PPARGC1B: variants seen among roughly 807,000 people sequenced by gnomAD.
PPARGC1B encodes PPARG coactivator 1 beta.
A neutral mutation model predicts 101.6 loss-of-function variants in PPARGC1B; 34 were observed. The observed-to-expected ratio is 0.33, with a 90% CI of 0.25 to 0.45. The LOEUF is 0.45. Among genes scored for constraint, PPARGC1B ranks in the 20% least tolerant of loss-of-function variants. The pLI is 1.00. For synonymous variants in PPARGC1B, 548 were observed against 539.3 expected (o/e 1.02, Z -0.22); for missense variants, 1,234 against 1,317.6 (o/e 0.94, Z 0.98).
At chr5:149,803,105 C>T (rs1757485546) in intron 1 of PPARGC1B, among the ~76,000 whole-genome samples, 1 of 152,202 alleles carries the variant, frequency 6.6e-6, no homozygotes, top group Non-Finnish European at 1.5e-5. Flanking sequence ...TGTCTCAGGG[C>T]CCTGGTTGTC....
At chr5:149,775,937 C>T (rs779437143) in intron 1 of PPARGC1B, among the ~76,000 whole-genome samples, 23 of 152,224 alleles carry the variant, frequency 1.5e-4, no homozygotes, top group Non-Finnish European at 8.8e-5. Flanking sequence ...ATTTTCCTCT[C>T]CCTGACCTAA....
At chr5:149,795,789 A>AG (rs35496202) in intron 1 of PPARGC1B, among the ~76,000 whole-genome samples, 7 of 151,464 alleles carry the variant, frequency 4.6e-5, no homozygotes, top group African/African-American at 1.7e-4. Flanking sequence ...TGGTGGGGGC[A>AG]GGGGGGGATG....
rs1466989089 is a variant in PPARGC1B, at chr5:149,837,876, T to C, written c.2618+803T>C. Among the ~76,000 whole-genome samples, 1 of 152,094 alleles carries C rather than the reference T, an allele frequency of 6.6e-6. No individual in the cohort carries two copies. The highest frequency in any genetic ancestry group is 1.5e-5 in the Non-Finnish European group (1 of 68,032). On this transcript the variant is annotated intron_variant, in intron 8 of 11. Coordinates refer to ENST00000309241, the MANE Select transcript of PPARGC1B (RefSeq NM_133263.4). The surrounding 1 kb of genome is among the most constrained non-coding windows in gnomAD (Gnocchi z 4.2). The stretch of plus-strand genomic sequence containing the variant: ...CTGAGTGGCCACTAGATGCTGCTCT[T>C]GGGCTAGAGCCCAGCTGCCGAATCC...
intron 1 of PPARGC1B, among the ~76,000 whole-genome samples, chr5:149,742,329 T>C (rs541628059): frequency 4.6e-5 from 7 of 152,312 alleles, no homozygotes; most frequent in Admixed American, 2.6e-4. Context: ...TCAGCTCAAG[T>C]GATGCCTCCT....
Position 149,833,052 on chromosome 5 carries a change from C to G in PPARGC1B, c.979C>G (p.Pro327Ala), listed in dbSNP as rs777189598. ...SNPSQQVRSRPWSRHHSKASW... is the reference protein window; with the variant it reads ...SNPSQQVRSRAWSRHHSKASW... ...CCCCTCCCAGCAGGTCAGATCCCGGCCCTGGTCCCGGCACCACTCCAAAGC... is the reference window on the plus strand; with the variant it reads ...CCCCTCCCAGCAGGTCAGATCCCGGGCCTGGTCCCGGCACCACTCCAAAGC... Residue 327 changes from proline (P) to alanine (A), a missense_variant, in exon 5 of 12, where the codon CCC (proline) becomes GCC (alanine). This residue lies in a region of PPARGC1B where 734 missense variants were observed against 768.4 expected (regional missense o/e 0.96). Coordinates refer to ENST00000309241, the MANE Select transcript of PPARGC1B (RefSeq NM_133263.4). The surrounding 1 kb of genome is among the most constrained non-coding windows in gnomAD (Gnocchi z 4.1). The G allele has an allele frequency of 3.7e-6, 6 of 1,613,904 alleles. No homozygotes were observed. The South Asian group carries it at 6.6e-5, about 18-fold the overall frequency.
chr5:149,825,822 C>T (rs895167451), intron 2 of PPARGC1B, among the ~76,000 whole-genome samples: 6 of 152,122 alleles, frequency 3.9e-5, no homozygotes, highest in East Asian at 1.9e-4. Context: ...ATACTACCAC[C>T]GCCACCACTG....
rs1287459794 is a variant in PPARGC1B at position 149,730,685 on chromosome 5, G to C, written c.78+265G>C. On this transcript the variant is annotated intron_variant, in intron 1 of 11. Coordinates refer to ENST00000309241, the MANE Select transcript of PPARGC1B (RefSeq NM_133263.4). This position sits in a 1 kb window ranked among gnomAD's most constrained non-coding sequence, Gnocchi z 4.0. Reference sequence around the variant, plus strand: ...TTGGCCGCTTGGAGTCTGCCACCCCGCGGGCAAAACTGGGGGGTACCGCGC... The same window carrying C: ...TTGGCCGCTTGGAGTCTGCCACCCCCCGGGCAAAACTGGGGGGTACCGCGC... Among the ~76,000 whole-genome samples the C allele has an allele frequency of 3.3e-5, 5 of 152,154 alleles. No individual in the cohort carries two copies. Among genetic ancestry groups the C allele is most frequent in the African/African-American group, 1.2e-4 (5 of 41,450 alleles).
chr5:149,764,258 G>A (rs1447336517), intron 1 of PPARGC1B, among the ~76,000 whole-genome samples: 2 of 152,222 alleles, frequency 1.3e-5, no homozygotes, highest in East Asian at 3.9e-4. Context: ...CAGAGGCAGG[G>A]CTGGGCCATG....
chr5:149,842,333 G>A lies in PPARGC1B; in HGVS notation c.2772G>A (p.Val924=). Residue 924 remains valine, a synonymous_variant, in exon 10 of 12, where the codon GTG becomes GTA. Coordinates refer to ENST00000309241, the MANE Select transcript of PPARGC1B (RefSeq NM_133263.4). ...SSRELKRRFE[V]FGEIEECEVL... ...GAGAGCTGAAGAGGCGCTTTGAAGT[G>A]TTTGGTGAGATTGAGGAGTGCGAGG... is the stretch of plus-strand genomic sequence containing the variant. 1 of 1,614,200 alleles carries A rather than the reference G, an allele frequency of 6.2e-7. No individual in the cohort carries two copies. Among genetic ancestry groups the A allele is most frequent in the Non-Finnish European group, 8.5e-7 (1 of 1,180,036 alleles).
intron 1 of PPARGC1B, among the ~76,000 whole-genome samples, chr5:149,772,623 G>T (rs62382305): frequency 0.11 from 17,276 of 152,134 alleles, 1,315 homozygotes; most frequent in Admixed American, 0.24. Context: ...GTCTGTGTGT[G>T]CCTGTGTCCT....
At chr5:149,787,868 A>G (rs1490032322) in intron 1 of PPARGC1B, among the ~76,000 whole-genome samples, 3 of 152,218 alleles carry the variant, frequency 2.0e-5, no homozygotes, top group Non-Finnish European at 4.4e-5. Flanking sequence ...TCTGCAATCA[A>G]TTGGTAATGA....
At chr5:149,772,731 T>G (rs1253822406) in intron 1 of PPARGC1B, among the ~76,000 whole-genome samples, 1 of 152,192 alleles carries the variant, frequency 6.6e-6, no homozygotes, top group Non-Finnish European at 1.5e-5. Flanking sequence ...TGGCTCCAAA[T>G]ACAGTCACAT....
chr5:149,733,914 C>T (rs1054883879), intron 1 of PPARGC1B, among the ~76,000 whole-genome samples: 1 of 151,956 alleles, frequency 6.6e-6, no homozygotes, highest in African/African-American at 2.4e-5. Context: ...AAAATACTGC[C>T]AAGCATAAAG....
intron 3 of PPARGC1B, among the ~76,000 whole-genome samples, chr5:149,830,030 C>CAAAAAAAAAAAAAAAAAAAAAAAAAAAAA (rs60711433): frequency 5.8e-5 from 2 of 34,264 alleles, no homozygotes; most frequent in Non-Finnish European, 1.1e-4. Context: ...GACTGCATCT[C>CAAAAAAAAAAAAAAAAAAAAAAAAAAAAA]AAAAAAAAAA....
At chr5:149,843,576 A>G (rs1196386187) in intron 10 of PPARGC1B, among the ~76,000 whole-genome samples, 1 of 152,254 alleles carries the variant, frequency 6.6e-6, no homozygotes, top group Non-Finnish European at 1.5e-5. Context: ...TGTGGAAAAC[A>G]GTATGGCAGT....
intron 6 of PPARGC1B, among the ~76,000 whole-genome samples, chr5:149,835,055 C>A (rs886713693): frequency 6.6e-6 from 1 of 152,224 alleles, no homozygotes; most frequent in African/African-American, 2.4e-5. Context: ...AGGAGGCTGA[C>A]AACACTTGTC....
intron 1 of PPARGC1B, among the ~76,000 whole-genome samples, chr5:149,758,192 G>A (rs1755604868): frequency 6.6e-6 from 1 of 152,258 alleles, no homozygotes; most frequent in South Asian, 2.1e-4. Flanking sequence ...ACTCGTTGGT[G>A]TACTCTGTCT....
chr5:149,790,391 G>T (rs746052963), intron 1 of PPARGC1B, among the ~76,000 whole-genome samples: 2 of 151,998 alleles, frequency 1.3e-5, no homozygotes, highest in Non-Finnish European at 2.9e-5. Flanking sequence ...TCTCCCTGGG[G>T]TGTGCCTCCG....
At chr5:149,799,183 T>C (rs939371923) in intron 1 of PPARGC1B, among the ~76,000 whole-genome samples, 3 of 152,162 alleles carry the variant, frequency 2.0e-5, no homozygotes, top group African/African-American at 7.2e-5. Flanking sequence ...GGTGGCTTTA[T>C]TTCACACACC....
Sources: gnomAD v4.1 joint callset for allele counts (sites outside exome capture counted in the v4.1 genomes callset) on GRCh38, gnomAD v4.1.1 for gene constraint, gnomAD v4.1.1 regional missense constraint, Gnocchi (gnomAD v3.1) non-coding constraint, MANE v1.5 for transcripts, NCBI Gene and HGNC (gene_info 2026-07-23, HGNC 2026-07-21) for gene names.